The following DDX6 variants were observed in gnomAD, a reference collection of about 807,000 sequenced individuals.
DDX6 encodes the protein DEAD-box helicase 6.
A neutral mutation model predicts 60.6 loss-of-function variants in DDX6; 7 were observed. The observed-to-expected ratio is 0.12, with a 90% CI of 0.07 to 0.22. The LOEUF (loss-of-function observed/expected upper bound fraction) is 0.22. DDX6 is among the 10% of genes least tolerant of loss of function. The pLI is 1.00. For missense variants in DDX6, 270 were observed against 589.9 expected (o/e 0.46, Z 5.62); for synonymous variants, 207 against 201.0 (o/e 1.03, Z -0.25).
At chr11:118,763,092 CTGAT>C (rs1474212124) in intron 7 of DDX6, 116 bp downstream of exon 7, 1 of 623,934 alleles carries the variant, frequency 1.6e-6, no homozygotes, top group East Asian at 3.0e-5. Flanking sequence ...TTAATTTAAA[CTGAT>C]TGTTTATGTG....
At chr11:118,786,580 A>C in intron 1 of DDX6, 62 bp from the exon 2 acceptor site, 1 of 226,378 alleles carries the variant, frequency 4.4e-6, no homozygotes. Flanking sequence ...TTCCCTTTTA[A>C]AAGAACCCCT....
chr11:118,749,437 A>G lies in DDX6; in HGVS notation c.*2668T>C, dbSNP rs1203472466. 3 of 150,470 alleles carry G rather than the reference A, an allele frequency of 2.0e-5. No individual in the cohort carries two copies. The highest frequency in any genetic ancestry group is 4.4e-5 in the Non-Finnish European group (3 of 67,748). The allele number at this position is 150,470 out of a possible 1,614,324, so 9.3% of individuals were successfully genotyped here. A position where few individuals can be genotyped will look rare whatever the true frequency, so the allele number is the denominator to read the frequency against. On this transcript the variant is annotated 3_prime_UTR_variant, in exon 14 of 14. Coordinates refer to ENST00000534980, the MANE Select transcript of DDX6 (RefSeq NM_004397.6). ...CTTTCCATTTAACAATTCCTATTCA[A>G]GAGTCAAGCACCAAAACTGGACAGC... is the stretch of plus-strand genomic sequence containing the variant.
At chr11:118,767,395 A>C (rs146396100) in intron 5 of DDX6, among the ~76,000 whole-genome samples, 51 of 152,344 alleles carry the variant, frequency 3.3e-4, no homozygotes, top group African/African-American at 1.2e-3. Context: ...AAAGCTAAAA[A>C]TGTAAAGTTT....
intron 1 of DDX6, chr11:118,788,354 TCA>T (rs1862150366): frequency 6.6e-6 from 1 of 152,344 alleles, no homozygotes; most frequent in Non-Finnish European, 1.5e-5. Flanking sequence ...CTAGTCAACC[TCA>T]GTTTAAAATT....
At chr11:118,786,007 T>G (rs761467358) in intron 2 of DDX6, 45 bp downstream of exon 2, 9 of 1,563,566 alleles carry the variant, frequency 5.8e-6, no homozygotes, top group Middle Eastern at 1.7e-4. Flanking sequence ...AACACAAATC[T>G]TGGTTCCCCA....
At chr11:118,760,115 A>C in intron 7 of DDX6, 71 bp from the exon 8 acceptor site, 1 of 1,380,474 alleles carries the variant, frequency 7.2e-7, no homozygotes. Flanking sequence ...ATACATGGTC[A>C]AAGAATAAGG....
chr11:118,767,373 T>C (rs1022600684), intron 5 of DDX6, among the ~76,000 whole-genome samples: 2 of 152,158 alleles, frequency 1.3e-5, no homozygotes, highest in Non-Finnish European at 2.9e-5. Context: ...GAAAAGATAA[T>C]TACAGATCAC....
chr11:118,772,639 T>C (rs1861572343), intron 4 of DDX6, among the ~76,000 whole-genome samples: 1 of 152,180 alleles, frequency 6.6e-6, no homozygotes, highest in Non-Finnish European at 1.5e-5. Context: ...ATGTCATTTA[T>C]ATCTCAATAA....
At chr11:118,777,361 G>A (rs1565575113) in intron 4 of DDX6, among the ~76,000 whole-genome samples, 1 of 152,072 alleles carries the variant, frequency 6.6e-6, no homozygotes, top group East Asian at 1.9e-4. Context: ...ACTGGCCTAT[G>A]TATAATGCAT....
chr11:118,785,877 T>A (rs1227271237), intron 2 of DDX6, 175 bp downstream of exon 2: 2 of 531,702 alleles, frequency 3.8e-6, no homozygotes, highest in Non-Finnish European at 6.3e-6. Context: ...GAACAAATTA[T>A]GGCAGAAATA....
At position 118,755,621 on chromosome 11, in the gene DDX6, A is replaced by T. The variant is rs1298693765; in HGVS notation, c.1175-118T>A. On this transcript the variant is annotated intron_variant, in intron 11 of 13. Coordinates refer to ENST00000534980, the MANE Select transcript of DDX6 (RefSeq NM_004397.6). ...TAATTTAATTCAGTTATTCAAATGC[A>T]TTTGCACATTACTGGCATTACCTTT... 4.8e-6 allele frequency: 3 copies of T among 622,944 alleles called. No individual in the cohort carries two copies. In the African/African-American group the frequency reaches 5.5e-5, roughly 11 times the overall value. 38.6% of individuals were successfully genotyped at this position (622,944 alleles called of 1,614,324 possible). A position where few individuals can be genotyped will look rare whatever the true frequency, so the allele number is the denominator to read the frequency against.
chr11:118,757,149 C>T (rs782529877), intron 10 of DDX6, 22 bp downstream of exon 10: 2 of 1,175,904 alleles, frequency 1.7e-6, no homozygotes, highest in East Asian at 2.6e-5. Context: ...TAAATTTGTG[C>T]AAGTTCTAGT....
At chr11:118,770,591 G>A (rs1555162318) in intron 4 of DDX6, among the ~76,000 whole-genome samples, 1 of 152,044 alleles carries the variant, frequency 6.6e-6, no homozygotes, top group Non-Finnish European at 1.5e-5. Flanking sequence ...CAGAACAACT[G>A]TGAAAATATT....
intron 4 of DDX6, among the ~76,000 whole-genome samples, chr11:118,775,805 G>T (rs186408941): frequency 2.6e-5 from 4 of 152,128 alleles, no homozygotes; most frequent in Non-Finnish European, 5.9e-5. Flanking sequence ...TTAATACAAG[G>T]TAAGAAATAG....
In DDX6 at chr11:118,750,901, T is replaced by TAACACA. The variant is rs1555157070; in HGVS notation, c.*1198_*1203dup. 6.6e-6 allele frequency: 1 copy of TAACACA among 152,452 alleles called. No individual in the cohort carries two copies. The highest frequency in any genetic ancestry group is 1.5e-5 in the Non-Finnish European group (1 of 68,008). 9.4% of individuals were successfully genotyped at this position (152,452 alleles called of 1,614,324 possible). ...ATCCCAGATTTCTGGGCCCCTTTACTAACACAGGGTACCATAGAAATCTGC... is the reference window on the plus strand; with the variant it reads ...ATCCCAGATTTCTGGGCCCCTTTACTAACACAAACACAGGGTACCATAGAAATCTGC... On this transcript the variant is annotated 3_prime_UTR_variant, in exon 14 of 14. Transcript: ENST00000534980.
At chr11:118,783,981 G>A (rs1861989683) in intron 2 of DDX6, among the ~76,000 whole-genome samples, 1 of 149,712 alleles carries the variant, frequency 6.7e-6, no homozygotes, top group Non-Finnish European at 1.5e-5. Context: ...CCCACTATTT[G>A]TAGGGCTGAG....
Position 118,755,514 on chromosome 11 carries a change from A to G in DDX6, c.1175-11T>C. Reference sequence around the variant, plus strand: ...CTCGGGTAAACAGATCTTAAAAAAAAAAAGATAATTTTCATTTTTTCAATT... The same window carrying G: ...CTCGGGTAAACAGATCTTAAAAAAAGAAAGATAATTTTCATTTTTTCAATT... On this transcript the variant is annotated splice_polypyrimidine_tract_variant and intron_variant, in intron 11 of 13. Transcript: ENST00000534980. 1 of 1,464,632 alleles carries G rather than the reference A, an allele frequency of 6.8e-7. No homozygotes were observed. The allele number at this position is 1,464,632 out of a possible 1,614,324, so 90.7% of individuals were successfully genotyped here. A position where few individuals can be genotyped will look rare whatever the true frequency, so the allele number is the denominator to read the frequency against.
At chr11:118,780,076 C>G (rs528040004) in intron 3 of DDX6, among the ~76,000 whole-genome samples, 1 of 118,566 alleles carries the variant, frequency 8.4e-6, no homozygotes, top group South Asian at 2.9e-4. Context: ...AGATCGCACT[C>G]ACTGCACAGC....
intron 4 of DDX6, among the ~76,000 whole-genome samples, chr11:118,768,987 C>CAAAAAAAAAAAAAAAAAAAA (rs782136763): frequency 2.5e-5 from 1 of 39,984 alleles, no homozygotes; most frequent in African/African-American, 1.0e-4. Context: ...CGTCTCATCT[C>CAAAAAAAAAAAAAAAAAAAA]AAAAAAAAAA....
Sources: allele counts gnomAD v4.1 joint callset (sites outside exome capture counted in the v4.1 genomes callset), GRCh38; gene constraint gnomAD v4.1.1; transcripts MANE v1.5; gene names NCBI Gene and HGNC (gene_info 2026-07-23, HGNC 2026-07-21).